Variants in BCAS3 observed in about 807,000 individuals in gnomAD.
The protein encoded by BCAS3 is BCAS3 microtubule associated cell migration factor, also known as BCAS4/BCAS3 fusion.
A neutral mutation model predicts 116.1 loss-of-function variants in BCAS3; 53 were observed. That is an observed-to-expected ratio of 0.46 (90% confidence interval 0.37 to 0.57). The LOEUF (loss-of-function observed/expected upper bound fraction) is 0.57, where lower values mean the gene tolerates loss of function less well. Ranked by LOEUF, BCAS3 falls within the 20% of genes least tolerant of loss-of-function variation. BCAS3 has a pLI of 0.00. For synonymous variants in BCAS3, 391 were observed against 408.2 expected (o/e 0.96, Z 0.51); for missense variants, 917 against 1,165.4 (o/e 0.79, Z 3.10).
At chr17:60,703,763 A>G (rs1158309294) in intron 4 of BCAS3, among the ~76,000 whole-genome samples, 1 of 151,156 alleles carries the variant, frequency 6.6e-6, no homozygotes, top group African/African-American at 2.4e-5. Flanking sequence ...AAATACAAAA[A>G]ATTAGCCGGG....
Position 61,235,670 on chromosome 17 carries a change from T to C in BCAS3, c.2426-132657T>C, listed in dbSNP as rs1164426168. 6.8e-6 allele frequency among the ~76,000 whole-genome samples: 1 copy of C among 146,940 alleles called. No homozygotes were observed. The highest frequency in any genetic ancestry group is 2.5e-5 in the African/African-American group (1 of 39,526). On this transcript the variant is annotated intron_variant, in intron 22 of 23. Coordinates refer to ENST00000407086, the MANE Select transcript of BCAS3 (RefSeq NM_017679.5). This position sits in a 1 kb window ranked among gnomAD's most constrained non-coding sequence, Gnocchi z 5.0. ...GACCTTTTCACCTTTAAACTTTGTT[T>C]GAACTTGGAAAGAAGACTTTTGAAT...
At chr17:60,951,764 CTTTTTTT>C (rs769133578) in intron 14 of BCAS3, among the ~76,000 whole-genome samples, 69 of 109,508 alleles carry the variant, frequency 6.3e-4, no homozygotes, top group African/African-American at 9.7e-4. Flanking sequence ...TCTTTTCTTT[CTTTTTTT>C]TTTTTTTTTT....
At chr17:61,070,951 A>T (rs1021958457) in intron 19 of BCAS3, among the ~76,000 whole-genome samples, 1 of 152,008 alleles carries the variant, frequency 6.6e-6, no homozygotes, top group African/African-American at 2.4e-5. Flanking sequence ...CAACAACAAC[A>T]ACAACTACAA....
intron 22 of BCAS3, among the ~76,000 whole-genome samples, chr17:61,114,064 A>T (rs2075269648): frequency 6.6e-6 from 1 of 151,714 alleles, no homozygotes; most frequent in Admixed American, 6.6e-5. Flanking sequence ...ACTCTCAAGA[A>T]ATTAGGTATT....
intron 10 of BCAS3, among the ~76,000 whole-genome samples, chr17:60,890,520 A>C (rs1369490424): frequency 1.3e-5 from 2 of 152,138 alleles, no homozygotes; most frequent in East Asian, 1.9e-4. Context: ...TATCTAAATA[A>C]GGGTTCAGCC....
At chr17:61,330,921 A>C (rs1410960918) in intron 22 of BCAS3, among the ~76,000 whole-genome samples, 2 of 152,228 alleles carry the variant, frequency 1.3e-5, no homozygotes, top group African/African-American at 4.8e-5. Flanking sequence ...ATTGTGTGAC[A>C]GTTCTGCCAT....
chr17:61,029,108 A>G lies in BCAS3; in HGVS notation c.1638-5558A>G, dbSNP rs2066455253. ...AAATAAATATGTTTTTAGTATATCC[A>G]GTTATAGGGTAATATATGTATTTTG... On this transcript the variant is annotated intron_variant, in intron 16 of 23. Transcript: ENST00000407086. The surrounding 1 kb of genome is among the most constrained non-coding windows in gnomAD (Gnocchi z 5.2). Among the ~76,000 whole-genome samples, 1 of 151,936 alleles carries G rather than the reference A, an allele frequency of 6.6e-6. No individual in the cohort carries two copies. Among genetic ancestry groups the G allele is most frequent in the African/African-American group, 2.4e-5 (1 of 41,414 alleles).
rs1005526204 is a variant in BCAS3 at position 61,347,931 on chromosome 17, A to T, written c.2426-20396A>T. Among the ~76,000 whole-genome samples the T allele has an allele frequency of 6.6e-6, 1 of 152,264 alleles. No individual in the cohort carries two copies. ...AGTCTGGAAAGCTGCTAGAGGCCAG[A>T]TGATAGACAGTTGTGCTAAGAAGAT... On this transcript the variant is annotated intron_variant, in intron 22 of 23. Coordinates refer to ENST00000407086, the MANE Select transcript of BCAS3 (RefSeq NM_017679.5). The surrounding 1 kb of genome is among the most constrained non-coding windows in gnomAD (Gnocchi z 4.3).
rs1305708057 is a variant in BCAS3, at chr17:61,248,501, G to A, written c.2426-119826G>A. The stretch of plus-strand genomic sequence containing the variant: ...AGTCCCAGCCTGGCATGAATTCCCA[G>A]AGAGCCTTGGGCCTTGGGAGGAGGG... On this transcript the variant is annotated intron_variant, in intron 22 of 23. Coordinates refer to ENST00000407086, the MANE Select transcript of BCAS3 (RefSeq NM_017679.5). The surrounding 1 kb of genome is among the most constrained non-coding windows in gnomAD (Gnocchi z 4.3). Among the ~76,000 whole-genome samples, 1 of 152,148 alleles carries A rather than the reference G, an allele frequency of 6.6e-6. No individual in the cohort carries two copies. Among genetic ancestry groups the A allele is most frequent in the Non-Finnish European group, 1.5e-5 (1 of 68,030 alleles).
At chr17:60,955,028 C>T (rs1008915302) in intron 14 of BCAS3, among the ~76,000 whole-genome samples, 6 of 152,154 alleles carry the variant, frequency 3.9e-5, no homozygotes, top group South Asian at 4.2e-4. Flanking sequence ...ACTCATTTTA[C>T]GCCCCATTAT....
At position 61,361,293 on chromosome 17, in the gene BCAS3, T is replaced by C. The variant is rs776078086; in HGVS notation, c.2426-7034T>C. ...CCAGTTATGACTCAGATGTAATCTA[T>C]GTTCTAAGCTTTAAAGTGTGCATTA... On this transcript the variant is annotated intron_variant, in intron 22 of 23. Coordinates refer to ENST00000407086, the MANE Select transcript of BCAS3 (RefSeq NM_017679.5). The surrounding 1 kb of genome is among the most constrained non-coding windows in gnomAD (Gnocchi z 6.5). Among the ~76,000 whole-genome samples the C allele has an allele frequency of 6.6e-6, 1 of 152,038 alleles. No individual in the cohort carries two copies. Among genetic ancestry groups the C allele is most frequent in the Non-Finnish European group, 1.5e-5 (1 of 68,010 alleles).
At chr17:61,223,411 G>A (rs1245872957) in intron 22 of BCAS3, among the ~76,000 whole-genome samples, 1 of 152,012 alleles carries the variant, frequency 6.6e-6, no homozygotes, top group Non-Finnish European at 1.5e-5. Flanking sequence ...TGCCTGCCTT[G>A]GCCTCCCAAA....
intron 6 of BCAS3, among the ~76,000 whole-genome samples, chr17:60,767,207 G>C (rs2044198438): frequency 6.6e-6 from 1 of 152,118 alleles, no homozygotes; most frequent in African/African-American, 2.4e-5. Flanking sequence ...TGCACCCACT[G>C]TCTGACCAGT....
chr17:60,940,121 A>C (rs2060147285), intron 13 of BCAS3, among the ~76,000 whole-genome samples: 1 of 152,216 alleles, frequency 6.6e-6, no homozygotes, highest in South Asian at 2.1e-4. Flanking sequence ...TAACAAATTA[A>C]AAAATAAAGT....
intron 7 of BCAS3, among the ~76,000 whole-genome samples, chr17:60,855,637 A>G (rs924523383): frequency 2.6e-5 from 4 of 151,616 alleles, no homozygotes; most frequent in African/African-American, 9.7e-5. Flanking sequence ...TTAAATTTTT[A>G]TCAGTTCTGA....
intron 19 of BCAS3, among the ~76,000 whole-genome samples, chr17:61,064,530 A>G (rs911244639): frequency 2.0e-5 from 3 of 152,226 alleles, no homozygotes; most frequent in African/African-American, 7.2e-5. Context: ...AGCAGGAACA[A>G]TAAATGAAAG....
Position 60,990,535 on chromosome 17 carries a change from C to T in BCAS3, c.1486+300C>T, listed in dbSNP as rs887745150. The stretch of plus-strand genomic sequence containing the variant: ...TTCAGAGAACTGAACATCCTTTTTA[C>T]TTATCTCTTCCAGAACATTCTATGT... On this transcript the variant is annotated intron_variant, in intron 15 of 23. Transcript: ENST00000407086. This position sits in a 1 kb window ranked among gnomAD's most constrained non-coding sequence, Gnocchi z 5.1. Among the ~76,000 whole-genome samples the T allele has an allele frequency of 6.6e-6, 1 of 152,102 alleles. No homozygotes were observed. Among genetic ancestry groups the T allele is most frequent in the Non-Finnish European group, 1.5e-5 (1 of 68,022 alleles).
At chr17:61,246,565 G>GT (rs1032614003) in intron 22 of BCAS3, among the ~76,000 whole-genome samples, 10 of 149,326 alleles carry the variant, frequency 6.7e-5, no homozygotes, top group Non-Finnish European at 1.5e-5. Context: ...AGAAGTCAAT[G>GT]TAGGAGCCTT....
intron 22 of BCAS3, among the ~76,000 whole-genome samples, chr17:61,299,115 G>T (rs971847479): frequency 2.6e-5 from 4 of 151,870 alleles, no homozygotes; most frequent in African/African-American, 9.6e-5. Context: ...GAGCCACCGT[G>T]CCTGGCCTAT....
Sources: gnomAD v4.1 joint callset for allele counts (sites outside exome capture counted in the v4.1 genomes callset) on GRCh38, gnomAD v4.1.1 for gene constraint, Gnocchi (gnomAD v3.1) non-coding constraint, MANE v1.5 for transcripts, NCBI Gene and HGNC (gene_info 2026-07-23, HGNC 2026-07-21) for gene names.